The following HS3ST5 variants were observed in gnomAD, a reference collection of about 807,000 sequenced individuals.
HS3ST5 encodes the protein heparan sulfate glucosamine 3-O-sulfotransferase 5.
Under a neutral mutation model 25.4 loss-of-function variants are expected in HS3ST5, and 10 were observed. That is an observed-to-expected ratio of 0.39 (90% confidence interval 0.24 to 0.67). The LOEUF is 0.67. Ranked by LOEUF, HS3ST5 falls within the 30% of genes least tolerant of loss-of-function variation. HS3ST5 has a pLI of 0.44. For missense variants in HS3ST5, 324 were observed against 420.7 expected, an observed-to-expected ratio of 0.77 and a Z score of 2.01; for synonymous variants, 170 against 162.4, an observed-to-expected ratio of 1.05 and a Z score of -0.36.
At chr6:114,231,275 A>T (rs1310021168) in intron 1 of HS3ST5, 1 of 152,186 alleles carries the variant, frequency 6.6e-6, no homozygotes, top group African/African-American at 2.4e-5. Context: ...TGAATAAGCC[A>T]AAAACCAAGA....
intron 3 of HS3ST5, among the ~76,000 whole-genome samples, chr6:114,140,218 A>G (rs955013933): frequency 6.6e-6 from 1 of 152,218 alleles, no homozygotes; most frequent in South Asian, 2.1e-4. Flanking sequence ...TATACTGGCT[A>G]TCAATTTCAA....
intron 3 of HS3ST5, among the ~76,000 whole-genome samples, chr6:114,137,825 C>T (rs1051607559): frequency 4.6e-5 from 7 of 152,152 alleles, no homozygotes; most frequent in Non-Finnish European, 1.0e-4. Flanking sequence ...TGGCATCCAA[C>T]GCTGTGCCTT....
intron 2 of HS3ST5, among the ~76,000 whole-genome samples, chr6:114,196,687 A>C (rs576294800): frequency 1.4e-4 from 21 of 152,290 alleles, no homozygotes; most frequent in Non-Finnish European, 2.2e-4. Flanking sequence ...ATTCCATAGA[A>C]GTAGAGTCTT....
At chr6:114,247,395 T>A (rs1424655697) in intron 1 of HS3ST5, among the ~76,000 whole-genome samples, 1 of 152,162 alleles carries the variant, frequency 6.6e-6, no homozygotes, top group African/African-American at 2.4e-5. Flanking sequence ...GAAAATTGCA[T>A]CTTTATGAGA....
At chr6:114,225,133 C>T (rs1782232484) in intron 2 of HS3ST5, among the ~76,000 whole-genome samples, 1 of 151,776 alleles carries the variant, frequency 6.6e-6, no homozygotes, top group Non-Finnish European at 1.5e-5. Context: ...TTGGGTATCT[C>T]AACTGTTACT....
chr6:114,132,727 G>A (rs1023525649), intron 3 of HS3ST5, among the ~76,000 whole-genome samples: 2 of 152,120 alleles, frequency 1.3e-5, no homozygotes, highest in Non-Finnish European at 2.9e-5. Flanking sequence ...ACCAAACAAC[G>A]TGCATGTACC....
chr6:114,206,190 T>C lies in HS3ST5; in HGVS notation c.-145+22395A>G, dbSNP rs146350281. Among the ~76,000 whole-genome samples, 1,070 of 152,320 alleles carry C rather than the reference T, an allele frequency of 7.0e-3. 16 individuals are homozygous for C. The highest frequency in any genetic ancestry group is 0.024 in the African/African-American group (1,014 of 41,576). On this transcript the variant is annotated intron_variant, in intron 2 of 4. Transcript: ENST00000312719. Reference sequence around the variant, plus strand: ...GAAGGACAAAGACCAAATGTATTTTTTATTGTACTACACAAATTGTTATGG... The same window carrying C: ...GAAGGACAAAGACCAAATGTATTTTCTATTGTACTACACAAATTGTTATGG...
chr6:114,312,149 A>T (rs922789082), intron 1 of HS3ST5, among the ~76,000 whole-genome samples: 99 of 152,350 alleles, frequency 6.5e-4, no homozygotes, highest in African/African-American at 2.1e-3. Flanking sequence ...ATTTCATGTT[A>T]CTATGTTTCC....
At chr6:114,245,675 A>G (rs535592154) in intron 1 of HS3ST5, among the ~76,000 whole-genome samples, 1 of 152,352 alleles carries the variant, frequency 6.6e-6, no homozygotes, top group Non-Finnish European at 1.5e-5. Flanking sequence ...AAAGCCTGAT[A>G]GATTGCTCTG....
At chr6:114,115,742 A>G (rs1219269300) in intron 3 of HS3ST5, among the ~76,000 whole-genome samples, 1 of 152,074 alleles carries the variant, frequency 6.6e-6, no homozygotes, top group Non-Finnish European at 1.5e-5. Flanking sequence ...AATCCTGTTT[A>G]GCATCCAAGC....
At chr6:114,067,197 A>G (rs1169326472) in intron 3 of HS3ST5, among the ~76,000 whole-genome samples, 1 of 152,138 alleles carries the variant, frequency 6.6e-6, no homozygotes, top group Non-Finnish European at 1.5e-5. Flanking sequence ...AGTTTAGGGG[A>G]AAAATCCCAA....
intron 3 of HS3ST5, among the ~76,000 whole-genome samples, chr6:114,102,882 T>C (rs1266416079): frequency 1.3e-5 from 2 of 152,172 alleles, no homozygotes; most frequent in Non-Finnish European, 2.9e-5. Flanking sequence ...CAAGATAAAA[T>C]TTTAAACCTC....
At chr6:114,085,185 G>A (rs1774729007) in intron 3 of HS3ST5, among the ~76,000 whole-genome samples, 1 of 152,094 alleles carries the variant, frequency 6.6e-6, no homozygotes, top group African/African-American at 2.4e-5. Flanking sequence ...TACTCACAGT[G>A]CCTTACTTCT....
At chr6:114,276,568 A>T (rs1773862269) in intron 1 of HS3ST5, among the ~76,000 whole-genome samples, 1 of 151,202 alleles carries the variant, frequency 6.6e-6, no homozygotes, top group Non-Finnish European at 1.5e-5. Context: ...AAATTAGCCC[A>T]TGACCTGCTA....
intron 3 of HS3ST5, among the ~76,000 whole-genome samples, chr6:114,134,937 C>T (rs894093491): frequency 1.1e-4 from 16 of 152,234 alleles, no homozygotes; most frequent in Non-Finnish European, 2.1e-4. Context: ...GCTTACCATG[C>T]GGGTGCCACG....
intron 3 of HS3ST5, among the ~76,000 whole-genome samples, chr6:114,150,245 C>T (rs1017137076): frequency 3.3e-5 from 5 of 152,164 alleles, no homozygotes; most frequent in African/African-American, 1.2e-4. Context: ...GTTATTTGTG[C>T]ACACTGTGGT....
intron 3 of HS3ST5, among the ~76,000 whole-genome samples, chr6:114,145,554 T>C (rs1421510896): frequency 6.6e-6 from 1 of 152,124 alleles, no homozygotes; most frequent in Non-Finnish European, 1.5e-5. Context: ...GGAGGGAGTC[T>C]GGAGAGAGTG....
chr6:114,203,550 T>C (rs1781127095), intron 2 of HS3ST5, among the ~76,000 whole-genome samples: 1 of 152,124 alleles, frequency 6.6e-6, no homozygotes, highest in Admixed American at 6.5e-5. Flanking sequence ...CTAAGATTGG[T>C]CTTTGAGATA....
At chr6:114,300,229 A>G (rs568723076) in intron 1 of HS3ST5, among the ~76,000 whole-genome samples, 2 of 152,304 alleles carry the variant, frequency 1.3e-5, no homozygotes, top group South Asian at 4.1e-4. Flanking sequence ...AAGACAACCC[A>G]GAGAATAGGA....
Sources: allele counts gnomAD v4.1 joint callset (sites outside exome capture counted in the v4.1 genomes callset), GRCh38; gene constraint gnomAD v4.1.1; transcripts MANE v1.5; gene names NCBI Gene and HGNC (gene_info 2026-07-23, HGNC 2026-07-21).